Variants in CHN1 observed in about 807,000 individuals in gnomAD.
CHN1 encodes N-chimaerin.
In CHN1, 37 loss-of-function variants were observed where a neutral mutation model predicts 59.5. The ratio of observed to expected loss-of-function variants is 0.62; its 90% CI spans 0.48 to 0.82. The LOEUF (loss-of-function observed/expected upper bound fraction) is 0.82, where lower values mean the gene tolerates loss of function less well. CHN1 is among the 40% of genes least tolerant of loss of function. The pLI is 0.00. For missense variants in CHN1, 469 were observed against 571.0 expected, an observed-to-expected ratio of 0.82 and a Z score of 1.82; for synonymous variants, 206 against 200.4, an observed-to-expected ratio of 1.03 and a Z score of -0.24.
At chr2:174,817,619 G>A (rs557759503) in intron 8 of CHN1, among the ~76,000 whole-genome samples, 14 of 149,698 alleles carry the variant, frequency 9.4e-5, no homozygotes, top group African/African-American at 2.5e-4. Context: ...GCGTCGCTAC[G>A]CCCAGCTGAT....
rs1163569840 is a variant in CHN1, at chr2:174,812,365, T to C, written c.830A>G (p.His277Arg). 1 of 1,614,028 alleles carries C rather than the reference T, an allele frequency of 6.2e-7. No individual in the cohort carries two copies. Among genetic ancestry groups the C allele is most frequent in the Non-Finnish European group, 8.5e-7 (1 of 1,179,882 alleles). Residue 277 changes from histidine (H) to arginine (R), a missense_variant, in exon 9 of 13, where the codon CAT becomes CGT. By Grantham distance (29) the His-to-Arg change is conservative. Transcript: ENST00000409900. The part of the protein sequence containing the change: ...SCDLTTLVKA[H>R]TTKRPMVVDM... Reference sequence around the variant, plus strand: ...TACCACCATTGGCCGCTTAGTGGTATGTGCTTTCACGAGCGTCGTAAGGTC... The same window carrying C: ...TACCACCATTGGCCGCTTAGTGGTACGTGCTTTCACGAGCGTCGTAAGGTC...
rs1692022015 is a variant in CHN1 at position 175,005,093 on chromosome 2, G to A, written c.-181C>T. ...ACGCGGGGGACCGCTGCAAGAAAAA[G>A]TTATTCACGCGTTATTGTCGGGCGC... is the stretch of plus-strand genomic sequence containing the variant. On this transcript the variant is annotated 5_prime_UTR_variant, in exon 1 of 13. Transcript: ENST00000409900. 1 of 1,336,418 alleles carries A rather than the reference G, an allele frequency of 7.5e-7. No homozygotes were observed. Among genetic ancestry groups the A allele is most frequent in the Non-Finnish European group, 9.6e-7 (1 of 1,042,774 alleles). 82.8% of individuals were successfully genotyped at this position (1,336,418 alleles called of 1,614,324 possible). A position where few individuals can be genotyped will look rare whatever the true frequency, so the allele number is the denominator to read the frequency against.
chr2:174,928,823 A>G (rs1689249228), intron 3 of CHN1, among the ~76,000 whole-genome samples: 1 of 152,228 alleles, frequency 6.6e-6, no homozygotes. Context: ...TATTTTTCTC[A>G]CTGCACTTTA....
intron 3 of CHN1, among the ~76,000 whole-genome samples, chr2:174,935,251 T>C (rs1689463095): frequency 6.6e-6 from 1 of 152,208 alleles, no homozygotes; most frequent in Admixed American, 6.5e-5. Context: ...ATTCCCCACC[T>C]AGACTGGAAG....
chr2:174,828,327 T>C (rs75091175), intron 7 of CHN1, among the ~76,000 whole-genome samples: 2 of 152,196 alleles, frequency 1.3e-5, no homozygotes, highest in African/African-American at 4.8e-5. Context: ...TACCAGCCAG[T>C]GTCAAGCACA....
chr2:174,868,327 T>C (rs2105461731), intron 6 of CHN1, among the ~76,000 whole-genome samples: 1 of 152,276 alleles, frequency 6.6e-6, no homozygotes, highest in East Asian at 1.9e-4. Context: ...TCTGGTACCC[T>C]CCTCTCTGCA....
intron 5 of CHN1, among the ~76,000 whole-genome samples, chr2:174,896,232 C>T (rs944544527): frequency 6.6e-6 from 1 of 152,056 alleles, no homozygotes. Flanking sequence ...TGCTACATAA[C>T]GCATTAACTT....
chr2:174,846,665 A>G (rs1229029766), intron 7 of CHN1, among the ~76,000 whole-genome samples: 2 of 152,220 alleles, frequency 1.3e-5, no homozygotes, highest in African/African-American at 4.8e-5. Flanking sequence ...ATAAAACAAT[A>G]TTAGAACAGC....
intron 1 of CHN1, among the ~76,000 whole-genome samples, chr2:174,984,761 A>C (rs1691283422): frequency 6.6e-6 from 1 of 152,206 alleles, no homozygotes; most frequent in South Asian, 2.1e-4. Flanking sequence ...TGACAGAAGA[A>C]AGGGCAAGCT....
At chr2:174,848,304 G>T (rs1309892092) in intron 6 of CHN1, among the ~76,000 whole-genome samples, 2 of 152,108 alleles carry the variant, frequency 1.3e-5, no homozygotes, top group Non-Finnish European at 2.9e-5. Context: ...CAATTATAGT[G>T]TAACTACTTA....
chr2:174,992,717 G>A (rs895093759), intron 1 of CHN1, among the ~76,000 whole-genome samples: 5 of 152,158 alleles, frequency 3.3e-5, no homozygotes, highest in South Asian at 2.1e-4. Flanking sequence ...CTTGGCCCAC[G>A]CCCCACCAGG....
chr2:174,836,180 G>C (rs761390081), intron 7 of CHN1, among the ~76,000 whole-genome samples: 2 of 152,120 alleles, frequency 1.3e-5, no homozygotes, highest in Non-Finnish European at 2.9e-5. Context: ...CCTGGAAACT[G>C]CCTCCAAGCA....
In CHN1 at chr2:175,005,364, T is replaced by C; in HGVS notation, c.-452A>G. ...TCCCGCGGCCTCGCAGACGCCATCT[T>C]GCGATAGCGTCTCCCACGAGCTCGG... On this transcript the variant is annotated 5_prime_UTR_variant, in exon 1 of 13. Transcript: ENST00000409900. 1 of 1,104,940 alleles carries C rather than the reference T, an allele frequency of 9.1e-7. No individual in the cohort carries two copies. The highest frequency in any genetic ancestry group is 1.1e-6 in the Non-Finnish European group (1 of 896,730). The allele number at this position is 1,104,940 out of a possible 1,614,324, so 68.4% of individuals were successfully genotyped here. A position where few individuals can be genotyped will look rare whatever the true frequency, so the allele number is the denominator to read the frequency against.
intron 3 of CHN1, among the ~76,000 whole-genome samples, chr2:174,925,074 GT>G (rs1689131040): frequency 6.6e-6 from 1 of 152,142 alleles, no homozygotes; most frequent in African/African-American, 2.4e-5. Flanking sequence ...CCTATAAAAT[GT>G]TTTACCACAT....
chr2:174,968,423 TACTGTGGCAACC>T (rs1690656522), intron 1 of CHN1, among the ~76,000 whole-genome samples: 1 of 152,226 alleles, frequency 6.6e-6, no homozygotes. Context: ...ATGGAAGTAA[TACTGTGGCAACC>T]ACAAATGAGC....
At chr2:174,929,514 G>T (rs1300300988) in intron 3 of CHN1, among the ~76,000 whole-genome samples, 1 of 151,970 alleles carries the variant, frequency 6.6e-6, no homozygotes, top group African/African-American at 2.4e-5. Flanking sequence ...GGAGTTGGAG[G>T]TTGCAGTGAG....
intron 1 of CHN1, among the ~76,000 whole-genome samples, chr2:174,993,619 T>TAAAAAAAAAA (rs1166867877): frequency 1.1e-5 from 1 of 90,822 alleles, no homozygotes. Context: ...GTACCAAAAC[T>TAAAAAAAAAA]AAAAAAAAAA....
chr2:174,941,188 T>G (rs1386248380), intron 3 of CHN1, among the ~76,000 whole-genome samples: 1 of 152,144 alleles, frequency 6.6e-6, no homozygotes, highest in African/African-American at 2.4e-5. Flanking sequence ...TTTCCATCAG[T>G]TTTTGAGCAC....
At chr2:174,995,472 G>T (rs1691677140) in intron 1 of CHN1, among the ~76,000 whole-genome samples, 1 of 152,158 alleles carries the variant, frequency 6.6e-6, no homozygotes, top group Admixed American at 6.5e-5. Flanking sequence ...GTGGGGGGAT[G>T]GGGGCATGCA....
Sources: gnomAD v4.1 joint callset for allele counts (sites outside exome capture counted in the v4.1 genomes callset) on GRCh38, gnomAD v4.1.1 for gene constraint, MANE v1.5 for transcripts, NCBI Gene and HGNC (gene_info 2026-07-23, HGNC 2026-07-21) for gene names.